TP53BP1: variants seen among roughly 807,000 people sequenced by gnomAD.
TP53BP1 encodes the protein TP53-binding protein 1.
A neutral mutation model predicts 200.8 loss-of-function variants in TP53BP1; 61 were observed. That is an observed-to-expected ratio of 0.30 (90% CI 0.25 to 0.38). The LOEUF (loss-of-function observed/expected upper bound fraction) is 0.38. Ranked by LOEUF, TP53BP1 falls within the 10% of genes least tolerant of loss-of-function variation. TP53BP1 has a pLI of 1.00. For synonymous variants in TP53BP1, 822 were observed against 844.3 expected (o/e 0.97, Z 0.46); for missense variants, 2,144 against 2,371.9 (o/e 0.90, Z 2.00).
rs186860378 is a variant in TP53BP1, at chr15:43,403,559, C to G, written c.*3824G>C. 1.1e-5 allele frequency: 8 copies of G among 720,222 alleles called. No individual in the cohort carries two copies. The highest frequency in any genetic ancestry group is 1.8e-5 in the African/African-American group (1 of 56,796). 44.6% of individuals were successfully genotyped at this position (720,222 alleles called of 1,614,324 possible). On this transcript the variant is annotated 3_prime_UTR_variant, in exon 28 of 28. Coordinates refer to ENST00000382044, the MANE Select transcript of TP53BP1 (RefSeq NM_001141980.3). ...AGGCCTTGCACGTGGCAGTGTCTATCCTGTCAGATTTGGGAGGTCAGCTAT... is the reference window on the plus strand; with the variant it reads ...AGGCCTTGCACGTGGCAGTGTCTATGCTGTCAGATTTGGGAGGTCAGCTAT...
At chr15:43,496,163 T>C (rs910689629), upstream of TP53BP1, among the ~76,000 whole-genome samples, 2 of 152,174 alleles carry the variant, frequency 1.3e-5, no homozygotes, top group African/African-American at 4.8e-5. Flanking sequence ...CATCAGATCT[T>C]AGGTTAACTT....
At chr15:43,422,263 G>A in intron 18 of TP53BP1, 137 bp from the exon 19 acceptor site, 1 of 1,046,986 alleles carries the variant, frequency 9.6e-7, no homozygotes, top group Admixed American at 2.8e-5. Context: ...TGGAATAATG[G>A]GAATGTTCTG....
Position 43,456,182 on chromosome 15 carries a change from G to C in TP53BP1, c.2426C>G (p.Thr809Ser). 6.2e-7 allele frequency: 1 copy of C among 1,614,116 alleles called. No homozygotes were observed. Among genetic ancestry groups the C allele is most frequent in the Middle Eastern group, 1.6e-4 (1 of 6,062 alleles). ...IEPCAENRLD[T>S]KEEKSVEYEG... ...ATATTCTACACTCTTTTCTTCCTTG[G>C]TGTCTAATCTATTCTCAGCACATGG... is the stretch of plus-strand genomic sequence containing the variant. Residue 809 changes from threonine to serine, a missense_variant, in exon 12 of 28, where the codon ACC becomes AGC. By Grantham distance (58) the Thr-to-Ser change is moderately conservative (BLOSUM62 1). Coordinates refer to ENST00000382044, the MANE Select transcript of TP53BP1 (RefSeq NM_001141980.3).
intron 18 of TP53BP1, among the ~76,000 whole-genome samples, chr15:43,425,934 G>A (rs986171250): frequency 6.6e-5 from 10 of 150,856 alleles, no homozygotes; most frequent in African/African-American, 2.2e-4. Context: ...GCGCGGTGGC[G>A]GGCACCTGTA....
rs1023552412 is a variant in TP53BP1 at position 43,456,225 on chromosome 15, T to C, written c.2383A>G (p.Ile795Val). 15 of 1,614,070 alleles carry C rather than the reference T, an allele frequency of 9.3e-6. No homozygotes were observed. The East Asian group carries it at 2.9e-4, about 31-fold the overall frequency. ...KCSDSQSWED[I>V]APEIEPCAEN... is the part of the protein sequence containing the mutation. ...GCACATGGTTCTATTTCTGGAGCAA[T>C]ATCCTCCCATGACTGGGAATCTGAG... The change falls in exon 12 of 28, where the codon ATT becomes GTT. Residue 795 changes from isoleucine (I) to valine (V), a missense_variant. Coordinates refer to ENST00000382044, the MANE Select transcript of TP53BP1 (RefSeq NM_001141980.3).
In TP53BP1 at chr15:43,404,775, GTTAAGTC is replaced by G; in HGVS notation, c.*2601_*2607del. On this transcript the variant is annotated 3_prime_UTR_variant, in exon 28 of 28. Coordinates refer to ENST00000382044, the MANE Select transcript of TP53BP1 (RefSeq NM_001141980.3). ...TAAAAAACCTGACAGTGAGATAGGT[GTTAAGTC>G]CTTTGCTAGGTTATGTATTGCTATG... 1.8e-6 allele frequency: 1 copy of G among 564,360 alleles called. No individual in the cohort carries two copies. Among genetic ancestry groups the G allele is most frequent in the South Asian group, 2.4e-5 (1 of 41,520 alleles). 35.0% of individuals were successfully genotyped at this position (564,360 alleles called of 1,614,324 possible).
intron 12 of TP53BP1, among the ~76,000 whole-genome samples, chr15:43,454,213 A>C (rs1383402878): frequency 6.6e-6 from 1 of 152,104 alleles, no homozygotes; most frequent in East Asian, 1.9e-4. Flanking sequence ...CTCAAAAAAA[A>C]GGGACTGTTC....
chr15:43,409,131 G>A (rs2045027134), intron 25 of TP53BP1, 35 bp from the exon 26 acceptor site: 1 of 1,601,228 alleles, frequency 6.2e-7, no homozygotes, highest in Non-Finnish European at 8.6e-7. Flanking sequence ...TGGGTTTGGT[G>A]ACTTCTGTGG....
At chr15:43,488,370 C>T (rs972289862) in intron 4 of TP53BP1, among the ~76,000 whole-genome samples, 1 of 151,316 alleles carries the variant, frequency 6.6e-6, no homozygotes, top group Non-Finnish European at 1.5e-5. Flanking sequence ...TTTGAAATGA[C>T]ATTTTACACA....
At chr15:43,465,256 C>CT (rs1338362277) in intron 11 of TP53BP1, among the ~76,000 whole-genome samples, 3 of 151,934 alleles carry the variant, frequency 2.0e-5, no homozygotes, top group African/African-American at 7.3e-5. Context: ...TGAGTGAGTG[C>CT]TAAAGGGCAT....
At chr15:43,421,605 A>G in intron 19 of TP53BP1, 5 of 576,456 alleles carry the variant, frequency 8.7e-6, no homozygotes, top group South Asian at 2.2e-5. Context: ...TAAATTCCCG[A>G]AAGTCCCCTC....
chr15:43,462,937 G>A (rs915017695), intron 11 of TP53BP1, among the ~76,000 whole-genome samples: 7 of 151,956 alleles, frequency 4.6e-5, no homozygotes, highest in African/African-American at 7.2e-5. Flanking sequence ...TGCACTTTTT[G>A]TCCCAGTTAC....
chr15:43,482,232 A>AAACAACAAC (rs138162379), intron 4 of TP53BP1, among the ~76,000 whole-genome samples: 3 of 151,680 alleles, frequency 2.0e-5, no homozygotes, highest in African/African-American at 4.8e-5. Flanking sequence ...CCACCTCAAA[A>AAACAACAAC]AACAACAACA....
intron 12 of TP53BP1, 51 bp downstream of exon 12, chr15:43,455,841 T>A: frequency 6.3e-7 from 1 of 1,598,936 alleles, no homozygotes; most frequent in Non-Finnish European, 8.5e-7. Flanking sequence ...CAACTTTCCA[T>A]TCCAGATTAT....
intron 10 of TP53BP1, among the ~76,000 whole-genome samples, chr15:43,473,089 T>A (rs1036116123): frequency 1.3e-5 from 2 of 152,116 alleles, no homozygotes; most frequent in Non-Finnish European, 2.9e-5. Context: ...GAGTTGTTCG[T>A]TCCTCCCAGT....
intron 7 of TP53BP1, among the ~76,000 whole-genome samples, chr15:43,478,471 T>C (rs1240997600): frequency 6.6e-6 from 1 of 152,224 alleles, no homozygotes; most frequent in Non-Finnish European, 1.5e-5. Context: ...TCCCCACTCT[T>C]TCCATTGAAG....
At chr15:43,417,491 C>T (rs1377776681) in intron 21 of TP53BP1, among the ~76,000 whole-genome samples, 3 of 152,148 alleles carry the variant, frequency 2.0e-5, no homozygotes, top group Non-Finnish European at 2.9e-5. Flanking sequence ...AGCCCAAGGC[C>T]AACAATATAC....
rs770813260 is a variant in TP53BP1 at position 43,422,030 on chromosome 15, A to T, written c.3925T>A (p.Ser1309Thr). 6.2e-7 allele frequency: 1 copy of T among 1,614,182 alleles called. No individual in the cohort carries two copies. Among genetic ancestry groups the T allele is most frequent in the South Asian group, 1.1e-5 (1 of 91,086 alleles). The change falls in exon 19 of 28, where the codon TCC becomes ACC. Residue 1309 changes from serine to threonine, a missense_variant. Coordinates refer to ENST00000382044, the MANE Select transcript of TP53BP1 (RefSeq NM_001141980.3). ...GSSGDLGDIS[S>T]FSSKASSLHR... ...AAGCTGGATGCCTTGGAGGAGAAGG[A>T]GCTGATATCCCCCAGGTCACCTGAG...
chr15:43,482,845 G>A (rs993406467), intron 4 of TP53BP1, among the ~76,000 whole-genome samples: 4 of 152,058 alleles, frequency 2.6e-5, no homozygotes, highest in East Asian at 1.9e-4. Flanking sequence ...CAGGAGAATC[G>A]CTTGAACCCA....
Sources: gnomAD v4.1 joint callset for allele counts (sites outside exome capture counted in the v4.1 genomes callset) on GRCh38, gnomAD v4.1.1 for gene constraint, MANE v1.5 for transcripts, NCBI Gene and HGNC (gene_info 2026-07-23, HGNC 2026-07-21) for gene names.